The following GRIK2 variants were observed in gnomAD, a reference collection of about 807,000 sequenced individuals.
The protein encoded by GRIK2 is glutamate ionotropic receptor kainate type subunit 2.
GRIK2 carries 32 observed loss-of-function variants against 100.3 expected under a neutral mutation model. That is an observed-to-expected ratio of 0.32 (90% CI 0.24 to 0.43). GRIK2 has a LOEUF of 0.43. Ranked by LOEUF, GRIK2 falls within the 20% of genes least tolerant of loss-of-function variation. GRIK2 has a pLI of 1.00. For missense variants in GRIK2, 843 were observed against 1,114.9 expected, an observed-to-expected ratio of 0.76 and a Z score of 3.47; for synonymous variants, 417 against 389.4, an observed-to-expected ratio of 1.07 and a Z score of -0.83.
chr6:101,637,823 G>A (rs1781096176), intron 4 of GRIK2, among the ~76,000 whole-genome samples: 5 of 151,936 alleles, frequency 3.3e-5, no homozygotes, highest in Admixed American at 3.3e-4. Context: ...AATAATTATA[G>A]CTCTCTCTTA....
chr6:101,654,438 C>G (rs530541418), intron 4 of GRIK2, among the ~76,000 whole-genome samples: 2 of 152,132 alleles, frequency 1.3e-5, no homozygotes, highest in South Asian at 2.1e-4. Context: ...GCTAATAGAG[C>G]CTTTCCCAAG....
At chr6:101,475,271 T>C (rs1256151465) in intron 2 of GRIK2, among the ~76,000 whole-genome samples, 1 of 151,968 alleles carries the variant, frequency 6.6e-6, no homozygotes, top group East Asian at 1.9e-4. Flanking sequence ...TTGTGTCTAG[T>C]AAATTTAAAA....
intron 2 of GRIK2, among the ~76,000 whole-genome samples, chr6:101,508,815 T>G (rs538763483): frequency 6.6e-6 from 1 of 152,300 alleles, no homozygotes; most frequent in African/African-American, 2.4e-5. Flanking sequence ...CTTTAGGACT[T>G]TAGGTAAATT....
chr6:101,734,053 T>C (rs9404135), intron 7 of GRIK2, among the ~76,000 whole-genome samples: 18,666 of 152,066 alleles, frequency 0.12, 1,349 homozygotes, highest in South Asian at 0.21. Context: ...GCACTTCAAA[T>C]TCCTACAGCC....
intron 2 of GRIK2, among the ~76,000 whole-genome samples, chr6:101,616,778 C>A (rs926797319): frequency 1.3e-5 from 2 of 151,716 alleles, no homozygotes; most frequent in Admixed American, 6.6e-5. Context: ...CTCTTTCTTA[C>A]ACCTCAATAC....
intron 2 of GRIK2, among the ~76,000 whole-genome samples, chr6:101,611,743 A>G (rs1779685742): frequency 6.6e-6 from 1 of 151,772 alleles, no homozygotes; most frequent in Admixed American, 6.6e-5. Flanking sequence ...AAATGAGTAC[A>G]TTACGCTATA....
intron 14 of GRIK2, among the ~76,000 whole-genome samples, chr6:101,960,826 G>C (rs1434544472): frequency 6.6e-6 from 1 of 152,142 alleles, no homozygotes; most frequent in Non-Finnish European, 1.5e-5. Flanking sequence ...TTCATTAGGT[G>C]GTAGTTACGG....
At chr6:101,755,671 A>T (rs1777093195) in intron 7 of GRIK2, among the ~76,000 whole-genome samples, 1 of 152,192 alleles carries the variant, frequency 6.6e-6, no homozygotes, top group Non-Finnish European at 1.5e-5. Flanking sequence ...CACACTAATA[A>T]AAACCTAATT....
At chr6:101,530,363 GAAAC>G (rs1449772736) in intron 2 of GRIK2, among the ~76,000 whole-genome samples, 1 of 151,786 alleles carries the variant, frequency 6.6e-6, no homozygotes, top group Non-Finnish European at 1.5e-5. Context: ...TTTTATAAAA[GAAAC>G]AAAGTATTTT....
intron 10 of GRIK2, among the ~76,000 whole-genome samples, chr6:101,837,812 A>C (rs1447626533): frequency 1.3e-5 from 2 of 152,152 alleles, no homozygotes; most frequent in Non-Finnish European, 2.9e-5. Flanking sequence ...TGGGGAGAAG[A>C]ATGAAATATT....
chr6:101,677,807 T>A (rs1023332342), intron 5 of GRIK2, among the ~76,000 whole-genome samples: 1 of 152,144 alleles, frequency 6.6e-6, no homozygotes, highest in African/African-American at 2.4e-5. Context: ...TAAATATAAC[T>A]GCCAATAGTA....
At chr6:101,419,608 C>T (rs757520706) in intron 2 of GRIK2, among the ~76,000 whole-genome samples, 21 of 152,172 alleles carry the variant, frequency 1.4e-4, no homozygotes, top group African/African-American at 1.9e-4. Context: ...CATTTACACA[C>T]GCAGTATTCA....
chr6:101,594,866 C>G (rs773535707), intron 2 of GRIK2, among the ~76,000 whole-genome samples: 7 of 151,468 alleles, frequency 4.6e-5, no homozygotes, highest in Non-Finnish European at 8.9e-5. Context: ...GGTGAGACAT[C>G]TTTTTGTGTT....
At chr6:101,927,107 T>A (rs892943970) in intron 13 of GRIK2, among the ~76,000 whole-genome samples, 1 of 152,126 alleles carries the variant, frequency 6.6e-6, no homozygotes, top group African/African-American at 2.4e-5. Context: ...AGGCAGAATC[T>A]GGAGCTGGAG....
At chr6:102,004,359 C>G (rs1374468486) in intron 14 of GRIK2, among the ~76,000 whole-genome samples, 1 of 147,162 alleles carries the variant, frequency 6.8e-6, no homozygotes, top group Non-Finnish European at 1.5e-5. Context: ...GAGAAAAAGA[C>G]TAGTTTCTGG....
rs1773476069 is a variant in GRIK2, at chr6:101,496,924, G to A, written c.115+97532G>A. On this transcript the variant is annotated intron_variant, in intron 2 of 16. Transcript: ENST00000369134. ...ATAACGTTGTTGCTTGATGACCCAT[G>A]GTTTTATATTTGGTAAAAGGGGCTA... 4.6e-5 allele frequency among the ~76,000 whole-genome samples: 7 copies of A among 152,192 alleles called. No individual in the cohort carries two copies. In the South Asian group the frequency reaches 1.4e-3, roughly 32 times the overall value.
intron 4 of GRIK2, among the ~76,000 whole-genome samples, chr6:101,672,779 T>C (rs1002160031): frequency 2.0e-5 from 3 of 152,222 alleles, no homozygotes; most frequent in Non-Finnish European, 4.4e-5. Flanking sequence ...GGCCATGGTC[T>C]CATTTTTATG....
At position 101,537,280 on chromosome 6, in the gene GRIK2, A is replaced by G. The variant is rs185588642; in HGVS notation, c.116-84669A>G. On this transcript the variant is annotated intron_variant, in intron 2 of 16. Coordinates refer to ENST00000369134, the MANE Select transcript of GRIK2 (RefSeq NM_021956.5). ...TTTTTCCCATATTGTTGACAAATCAACTGAAACAACTTTATTTTGCTTAAT... is the reference window on the plus strand; with the variant it reads ...TTTTTCCCATATTGTTGACAAATCAGCTGAAACAACTTTATTTTGCTTAAT... Among the ~76,000 whole-genome samples the G allele has an allele frequency of 1.9e-3, 289 of 151,994 alleles. 2 individuals carry two copies. Among genetic ancestry groups the G allele is most frequent in the African/African-American group, 6.9e-3 (286 of 41,530 alleles).
chr6:101,638,186 G>A (rs1781114248), intron 4 of GRIK2, among the ~76,000 whole-genome samples: 1 of 148,960 alleles, frequency 6.7e-6, no homozygotes, highest in African/African-American at 2.5e-5. Context: ...TTGTTTGTTT[G>A]TTTTATTACT....
Sources: allele counts gnomAD v4.1 joint callset (sites outside exome capture counted in the v4.1 genomes callset), GRCh38; gene constraint gnomAD v4.1.1; transcripts MANE v1.5; gene names NCBI Gene and HGNC (gene_info 2026-07-23, HGNC 2026-07-21).